LRGUK: variants seen among roughly 807,000 people sequenced by gnomAD.
LRGUK encodes leucine rich repeats and guanylate kinase domain containing, also known as leucine-rich repeat and guanylate kinase domain-containing protein.
Under a neutral mutation model 76.0 loss-of-function variants are expected in LRGUK, and 65 were observed. That is an observed-to-expected ratio of 0.85 (90% CI 0.70 to 1.05). LRGUK has a LOEUF of 1.05. LRGUK is among the 50% of genes least tolerant of loss of function. The pLI is 0.00. For synonymous variants in LRGUK, 268 were observed against 265.6 expected, an observed-to-expected ratio of 1.01 and a Z score of -0.09; for missense variants, 758 against 732.8, an observed-to-expected ratio of 1.03 and a Z score of -0.40.
intron 1 of LRGUK, among the ~76,000 whole-genome samples, chr7:134,128,933 T>C (rs1404226566): frequency 6.6e-6 from 1 of 152,240 alleles, no homozygotes; most frequent in Non-Finnish European, 1.5e-5. Flanking sequence ...ATAGTTTTTC[T>C]TAATTTCAAA....
At chr7:134,246,228 AAATTT>A (rs2117203215) in intron 16 of LRGUK, among the ~76,000 whole-genome samples, 1 of 152,264 alleles carries the variant, frequency 6.6e-6, no homozygotes, top group Admixed American at 6.5e-5. Context: ...TATCCCCCCC[AAATTT>A]ATACTGTTGT....
chr7:134,171,177 C>T (rs1236329523), intron 7 of LRGUK, among the ~76,000 whole-genome samples: 1 of 149,562 alleles, frequency 6.7e-6, no homozygotes, highest in Non-Finnish European at 1.5e-5. Context: ...AATTGTAAAA[C>T]AAAACCAATA....
At chr7:134,149,174 T>C (rs369276869) in intron 5 of LRGUK, among the ~76,000 whole-genome samples, 69 of 151,514 alleles carry the variant, frequency 4.6e-4, no homozygotes, top group African/African-American at 1.6e-3. Flanking sequence ...CAGGCTCCCA[T>C]GCAAGCAGAG....
At chr7:134,213,173 T>G (rs1279409492), downstream of LRGUK, among the ~76,000 whole-genome samples, 1 of 152,122 alleles carries the variant, frequency 6.6e-6, no homozygotes, top group Non-Finnish European at 1.5e-5. Context: ...AGATCCAAAG[T>G]GCTTTTTGTG....
In LRGUK at chr7:134,127,596, G is replaced by T. The variant is rs554353844; in HGVS notation, c.229G>T (p.Asp77Tyr). The T allele has an allele frequency of 1.8e-5, 29 of 1,614,204 alleles. No individual in the cohort carries two copies. In the South Asian group the frequency reaches 3.1e-4, roughly 17 times the overall value. ...CTATCAGGAGCTGGACTCGGACGGAGATGAGGACCAGGGCGAGGGCGAGGC... is the reference window on the plus strand; with the variant it reads ...CTATCAGGAGCTGGACTCGGACGGATATGAGGACCAGGGCGAGGGCGAGGC... The change falls in exon 1 of 16, where the codon GAT becomes TAT. Residue 77 changes from aspartate (D) to tyrosine (Y), a missense_variant. Physicochemically the swap from Asp to Tyr is radical, Grantham distance 160. Coordinates refer to ENST00000645682, the Ensembl canonical transcript of LRGUK.
chr7:134,273,567 G>C, the LRGUK span, among the ~76,000 whole-genome samples: 7 of 151,628 alleles, frequency 4.6e-5, no homozygotes, highest in African/African-American at 1.7e-4. Flanking sequence ...TTTGAGAACC[G>C]CTGCTCCACA....
intron 13 of LRGUK, 148 bp downstream of exon 13, chr7:134,197,253 T>C (rs1470122120): frequency 7.8e-6 from 4 of 514,544 alleles, no homozygotes; most frequent in Non-Finnish European, 1.4e-5. Flanking sequence ...TTAATGTATA[T>C]ACATATTTGA....
chr7:134,198,732 C>T (rs1227486711), intron 13 of LRGUK, among the ~76,000 whole-genome samples: 1 of 152,138 alleles, frequency 6.6e-6, no homozygotes, highest in Non-Finnish European at 1.5e-5. Context: ...CTGCAGGTGA[C>T]GAGGAGCTTG....
rs184460639 is a variant in LRGUK, at chr7:134,261,389, C to T, written c.2348-2456C>T. ...CAATTTGTATCAAATTAGATCATTT[C>T]GTATCTGATTAATCTCCCATATTCT... On this transcript the variant is annotated intron_variant, in intron 19 of 19. Transcript: ENST00000285928. 9.9e-5 allele frequency among the ~76,000 whole-genome samples: 15 copies of T among 152,136 alleles called. 1 individual carries two copies. In the East Asian group the frequency reaches 2.1e-3, roughly 22 times the overall value.
intron 7 of LRGUK, among the ~76,000 whole-genome samples, chr7:134,171,135 CTT>C (rs34034602): frequency 5.9e-4 from 87 of 147,158 alleles, no homozygotes; most frequent in South Asian, 4.3e-3. Flanking sequence ...GTCAAGCAAT[CTT>C]TTTTTTTTTT....
exon 16 of LRGUK, chr7:134,208,807 G>A (rs929619521): frequency 1.3e-5 from 5 of 398,930 alleles, no homozygotes; most frequent in Non-Finnish European, 2.2e-5. Context: ...AGATGACAGA[G>A]CATCTCTCTG....
chr7:134,238,801 T>C (rs1585590587), intron 16 of LRGUK, among the ~76,000 whole-genome samples: 1 of 152,228 alleles, frequency 6.6e-6, no homozygotes, highest in South Asian at 2.1e-4. Flanking sequence ...TGCTCATTTT[T>C]ATGTGAAATT....
intron 16 of LRGUK, among the ~76,000 whole-genome samples, chr7:134,225,382 A>C (rs1428022899): frequency 6.6e-6 from 1 of 152,156 alleles, no homozygotes; most frequent in African/African-American, 2.4e-5. Context: ...CCTCCCTGAG[A>C]AACTGAGCAG....
chr7:134,248,776 C>A (rs528963284), intron 17 of LRGUK, among the ~76,000 whole-genome samples, 175 bp from the exon 18 acceptor site: 3 of 152,212 alleles, frequency 2.0e-5, no homozygotes, highest in Admixed American at 2.0e-4. Context: ...TGTAATGATG[C>A]CAATGACTTA....
At chr7:134,262,822 C>T (rs1054921242) in intron 19 of LRGUK, among the ~76,000 whole-genome samples, 12 of 151,696 alleles carry the variant, frequency 7.9e-5, no homozygotes, top group African/African-American at 1.7e-4. Flanking sequence ...ACAAAAATTA[C>T]GCAGATGTGG....
intron 3 of LRGUK, among the ~76,000 whole-genome samples, chr7:134,140,236 C>T (rs1353541034): frequency 6.6e-6 from 1 of 152,192 alleles, no homozygotes; most frequent in Non-Finnish European, 1.5e-5. Context: ...TCCCAAAGTG[C>T]TGGGATTACA....
intron 16 of LRGUK, among the ~76,000 whole-genome samples, chr7:134,222,759 C>A (rs1801633658): frequency 6.6e-6 from 1 of 152,122 alleles, no homozygotes; most frequent in Non-Finnish European, 1.5e-5. Flanking sequence ...CAGGCATGCG[C>A]CACCATGCCT....
intron 7 of LRGUK, among the ~76,000 whole-genome samples, chr7:134,170,950 T>C (rs1048031745): frequency 6.6e-6 from 1 of 152,212 alleles, no homozygotes; most frequent in African/African-American, 2.4e-5. Context: ...AACTAGTTGA[T>C]AGATCCTCAC....
At chr7:134,194,514 G>A (rs1221729797) in intron 12 of LRGUK, among the ~76,000 whole-genome samples, 2 of 152,098 alleles carry the variant, frequency 1.3e-5, no homozygotes, top group Non-Finnish European at 2.9e-5. Context: ...GGCTGAGGTG[G>A]GAGGATTGCT....
Sources: gnomAD v4.1 joint callset for allele counts (sites outside exome capture counted in the v4.1 genomes callset) on GRCh38, gnomAD v4.1.1 for gene constraint, MANE v1.5 for transcripts, NCBI Gene and HGNC (gene_info 2026-07-23, HGNC 2026-07-21) for gene names.